The following ATXN2 variants were observed in gnomAD, a reference collection of about 807,000 sequenced individuals.
ATXN2 encodes the protein ataxin 2, also known as ataxin-2.
A neutral mutation model predicts 138.6 loss-of-function variants in ATXN2; 37 were observed. The ratio of observed to expected loss-of-function variants is 0.27; its 90% CI spans 0.21 to 0.35. ATXN2 has a LOEUF of 0.35. Ranked by LOEUF, ATXN2 falls within the 10% of genes least tolerant of loss-of-function variation. The probability of loss-of-function intolerance (pLI) is 1.00; values close to 1 mark genes in which losing one functional copy is unlikely to be tolerated. For synonymous variants in ATXN2, 549 were observed against 543.7 expected (o/e 1.01, Z -0.13); for missense variants, 1,216 against 1,480.3 (o/e 0.82, Z 2.93).
At position 111,456,225 on chromosome 12, in the gene ATXN2, T is replaced by C; in HGVS notation, c.3074A>G (p.His1025Arg). 6.2e-7 allele frequency: 1 copy of C among 1,614,202 alleles called. No homozygotes were observed. Among genetic ancestry groups the C allele is most frequent in the Non-Finnish European group, 8.5e-7 (1 of 1,180,040 alleles). The change falls in exon 23 of 25, where the codon CAT becomes CGT. Residue 1025 changes from histidine to arginine, a missense_variant. Transcript: ENST00000673436. ...TGACTGCTGCTGTGGACTGGCCAGA[T>C]GGAGAGCCTGGGCGGCCTGGTGCTG... The part of the protein sequence containing the change: ...HHQHQAAQAL[H>R]LASPQQQSAI...
chr12:111,525,069 A>C, intron 6 of ATXN2, 123 bp downstream of exon 6: 1 of 1,276,972 alleles, frequency 7.8e-7, no homozygotes, highest in Non-Finnish European at 1.0e-6. Context: ...TATACAACAA[A>C]CCTGCTGCTC....
At chr12:111,581,814 C>G (rs139227377) in intron 1 of ATXN2, 1 of 453,434 alleles carries the variant, frequency 2.2e-6, no homozygotes, top group Admixed American at 3.1e-5. Context: ...GAGCTCTGCC[C>G]GTGATCTGAT....
chr12:111,592,782 C>CAAAAAAAAAAAAAAAA (rs71083183), intron 1 of ATXN2, among the ~76,000 whole-genome samples: 4,005 of 25,934 alleles, frequency 0.15, 1,458 homozygotes, highest in Non-Finnish European at 0.27. Context: ...GACTCCGTCT[C>CAAAAAAAAAAAAAAAA]AAAAAAAAAA....
At chr12:111,554,130 GT>G (rs1478505414) in intron 3 of ATXN2, 27 bp downstream of exon 3, 3 of 1,407,140 alleles carry the variant, frequency 2.1e-6, no homozygotes, top group Non-Finnish European at 1.9e-6. Context: ...CCCCAAGGCA[GT>G]TTATCCCCAA....
chr12:111,547,679 T>C (rs943289056), intron 5 of ATXN2, among the ~76,000 whole-genome samples: 18 of 148,150 alleles, frequency 1.2e-4, no homozygotes, highest in Non-Finnish European at 1.5e-5. Context: ...GAGCGAAGAT[T>C]GCACCATTGC....
At chr12:111,521,267 TA>T (rs1184314422) in intron 6 of ATXN2, among the ~76,000 whole-genome samples, 3 of 152,340 alleles carry the variant, frequency 2.0e-5, no homozygotes, top group Admixed American at 6.5e-5. Flanking sequence ...CTCTAACCTG[TA>T]AAAGCCACCT....
chr12:111,517,776 A>AT (rs1879937527), intron 9 of ATXN2, among the ~76,000 whole-genome samples: 1 of 152,148 alleles, frequency 6.6e-6, no homozygotes, highest in Non-Finnish European at 1.5e-5. Context: ...CATGTCTTGT[A>AT]TTATAAGTTA....
At chr12:111,506,810 C>A (rs1260176635) in intron 14 of ATXN2, among the ~76,000 whole-genome samples, 1 of 152,166 alleles carries the variant, frequency 6.6e-6, no homozygotes, top group Non-Finnish European at 1.5e-5. Context: ...ATTGCAGGCC[C>A]GCGCCGCCAC....
rs997437123 is a variant in ATXN2, at chr12:111,574,308, CAAAAAAAA to C, written c.252-18397_252-18390del. On this transcript the variant is annotated intron_variant, in intron 1 of 24. Coordinates refer to ENST00000673436, the MANE Select transcript of ATXN2 (RefSeq NM_001372574.1). ...GGGCGACAGAGCAAGACTCTGTCTCCAAAAAAAAAAAAAAAAAAAAAAAAAGGTATGGA... is the reference window on the plus strand; with the variant it reads ...GGGCGACAGAGCAAGACTCTGTCTCCAAAAAAAAAAAAAAAAAGGTATGGA... Among the ~76,000 whole-genome samples, 19 of 32,590 alleles carry C rather than the reference CAAAAAAAA, an allele frequency of 5.8e-4. No homozygotes were observed. In the South Asian group the frequency reaches 0.013, roughly 22 times the overall value. The allele number at this position is 32,590 out of a possible 152,430, so 21.4% of individuals were successfully genotyped here.
At position 111,532,076 on chromosome 12, in the gene ATXN2, T is replaced by C. The variant is rs141415130; in HGVS notation, c.572-6760A>G. Among the ~76,000 whole-genome samples the C allele has an allele frequency of 2.0e-5, 3 of 152,344 alleles. No homozygotes were observed. In the East Asian group the frequency reaches 5.8e-4, roughly 29 times the overall value. On this transcript the variant is annotated intron_variant, in intron 5 of 24. Transcript: ENST00000673436. ...ACATACATAATAATTTGAAGCCTGG[T>C]GCAGTGGCACATGCCTATAATCCCA...
intron 5 of ATXN2, among the ~76,000 whole-genome samples, chr12:111,537,070 C>T (rs577298394): frequency 6.6e-6 from 1 of 152,120 alleles, no homozygotes; most frequent in African/African-American, 2.4e-5. Flanking sequence ...GAGGCATGAG[C>T]CACCACACCC....
rs1435726517 is a variant in ATXN2, at chr12:111,598,226, A to G, written c.251+558T>C. ...TTCCCAGGACTCGGAGGGGGCGGGG[A>G]GAGAGCCCCGACAGACCCTGATGAT... is the stretch of plus-strand genomic sequence containing the variant. On this transcript the variant is annotated intron_variant, in intron 1 of 24. Coordinates refer to ENST00000673436, the MANE Select transcript of ATXN2 (RefSeq NM_001372574.1). The surrounding 1 kb of genome is among the most constrained non-coding windows in gnomAD (Gnocchi z 4.5). 2.6e-5 allele frequency: 27 copies of G among 1,051,804 alleles called. No homozygotes were observed. Among genetic ancestry groups the G allele is most frequent in the African/African-American group, 3.4e-5 (2 of 59,322 alleles). 65.2% of individuals were successfully genotyped at this position (1,051,804 alleles called of 1,614,324 possible).
At chr12:111,483,710 C>CCA (rs560225827) in intron 18 of ATXN2, among the ~76,000 whole-genome samples, 139 of 152,154 alleles carry the variant, frequency 9.1e-4, no homozygotes, top group Non-Finnish European at 1.6e-3. Context: ...GGCTCTTTAA[C>CCA]CACACAAGCA....
At chr12:111,543,526 T>C (rs777055034) in intron 5 of ATXN2, among the ~76,000 whole-genome samples, 6 of 152,148 alleles carry the variant, frequency 3.9e-5, no homozygotes, top group Non-Finnish European at 8.8e-5. Context: ...CTCCACCTTC[T>C]GGGTTCAAAT....
At chr12:111,490,356 T>A (rs1243780960) in intron 14 of ATXN2, among the ~76,000 whole-genome samples, 1 of 152,054 alleles carries the variant, frequency 6.6e-6, no homozygotes. Context: ...ACACAGCAGC[T>A]TTGTGTGAAA....
chr12:111,564,220 ATCTT>A (rs1284643577), intron 1 of ATXN2, among the ~76,000 whole-genome samples: 1 of 152,188 alleles, frequency 6.6e-6, no homozygotes, highest in Non-Finnish European at 1.5e-5. Context: ...TGGCAAAAGT[ATCTT>A]TCTACCACTA....
At position 111,520,928 on chromosome 12, in the gene ATXN2, T is replaced by C. The variant is rs1880122931; in HGVS notation, c.742A>G (p.Asn248Asp). The change falls in exon 7 of 25, where the codon AAT becomes GAT. Residue 248 changes from asparagine to aspartate, a missense_variant. Asn to Asp is a conservative substitution (Grantham distance 23, BLOSUM62 1). Around this residue, in one of 4 missense-constraint regions of ATXN2, gnomAD observed 401 missense variants for 528.1 expected, o/e 0.76. Transcript: ENST00000673436. ...TCATACGTAGACACTACACCATAAT[T>C]TTCTTCATTATATCGAAACATATCA... ...PNDMFRYNEE[N>D]YGVVSTYDSS... 2 of 1,600,276 alleles carry C rather than the reference T, an allele frequency of 1.2e-6. No individual in the cohort carries two copies. The highest frequency in any genetic ancestry group is 1.7e-6 in the Non-Finnish European group (2 of 1,171,600).
intron 15 of ATXN2, 64 bp downstream of exon 15, chr12:111,488,412 A>C (rs1320711801): frequency 6.6e-7 from 1 of 1,507,340 alleles, no homozygotes; most frequent in Non-Finnish European, 8.9e-7. Flanking sequence ...GAAGGACCTA[A>C]ATGCCTTTAA....
intron 6 of ATXN2, among the ~76,000 whole-genome samples, chr12:111,521,999 T>C (rs531262809): frequency 3.3e-5 from 5 of 152,280 alleles, no homozygotes; most frequent in African/African-American, 1.2e-4. Flanking sequence ...GTAAAGGTTG[T>C]AATCCATCCC....
Sources: gnomAD v4.1 joint callset for allele counts (sites outside exome capture counted in the v4.1 genomes callset) on GRCh38, gnomAD v4.1.1 for gene constraint, gnomAD v4.1.1 regional missense constraint, Gnocchi (gnomAD v3.1) non-coding constraint, MANE v1.5 for transcripts, NCBI Gene and HGNC (gene_info 2026-07-23, HGNC 2026-07-21) for gene names.